KLK3: variants seen among roughly 807,000 people sequenced by gnomAD.
KLK3 encodes kallikrein related peptidase 3.
Under a neutral mutation model 27.7 loss-of-function variants are expected in KLK3, and 23 were observed. That is an observed-to-expected ratio of 0.83 (90% CI 0.60 to 1.17). The LOEUF is 1.17. KLK3 is among the 50% of genes most tolerant of loss of function. The pLI, the probability that KLK3 is intolerant of heterozygous loss-of-function variation, is 0.00. For synonymous variants in KLK3, 142 were observed against 134.2 expected, an observed-to-expected ratio of 1.06 and a Z score of -0.40; for missense variants, 322 against 338.1, an observed-to-expected ratio of 0.95 and a Z score of 0.37.
At chr19:50,855,205 T>C (rs529005085) in intron 1 of KLK3, 10 of 575,754 alleles carry the variant, frequency 1.7e-5, no homozygotes, top group African/African-American at 1.7e-4. Context: ...CCCCGCTCCC[T>C]CCCACTTACC....
Position 50,860,142 on chromosome 19 carries a change from C to G in KLK3, c.*15C>G. 6.3e-7 allele frequency: 1 copy of G among 1,586,630 alleles called. No homozygotes were observed. Among genetic ancestry groups the G allele is most frequent in the Non-Finnish European group, 8.6e-7 (1 of 1,156,670 alleles). ...CCAACCCCTGAGCACCCCTATCAAC[C>G]CCCTATTGTAGTAAACTTGGAACCT... On this transcript the variant is annotated 3_prime_UTR_variant, in exon 5 of 5. Coordinates refer to ENST00000326003, the MANE Select transcript of KLK3 (RefSeq NM_001648.2).
chr19:50,860,389 C>A lies in KLK3; in HGVS notation c.*262C>A. The A allele has an allele frequency of 2.8e-6, 1 of 363,194 alleles. No individual in the cohort carries two copies. 22.5% of individuals were successfully genotyped at this position (363,194 alleles called of 1,614,324 possible). On this transcript the variant is annotated 3_prime_UTR_variant, in exon 5 of 5. Transcript: ENST00000326003. ...TGAGGACACAGATAGGATGGGGTGTCTGTGTTATTTGTGGGGTACAGAGAT... is the reference window on the plus strand; with the variant it reads ...TGAGGACACAGATAGGATGGGGTGTATGTGTTATTTGTGGGGTACAGAGAT...
At position 50,858,599 on chromosome 19, in the gene KLK3, A is replaced by G. The variant is rs2123460670; in HGVS notation, c.630+4A>G. 5 of 1,614,014 alleles carry G rather than the reference A, an allele frequency of 3.1e-6. No homozygotes were observed. The South Asian group carries it at 5.5e-5, about 18-fold the overall frequency. On this transcript the variant is annotated splice_donor_region_variant and intron_variant, in intron 4 of 4. Coordinates refer to ENST00000326003, the MANE Select transcript of KLK3 (RefSeq NM_001648.2). ...AGGGGGCAAAAGCACCTGCTCGGTG[A>G]GTCATCCCTACTCCCAAGATCTTGA...
At chr19:50,855,338 A>C in intron 1 of KLK3, 10 of 367,766 alleles carry the variant, frequency 2.7e-5, no homozygotes, top group Non-Finnish European at 4.5e-5. Context: ...ACCTCTCTCA[A>C]TGCCATTGGT....
In KLK3 at chr19:50,859,525, C is replaced by T; in HGVS notation, c.631-447C>T. The T allele has an allele frequency of 1.2e-6, 2 of 1,610,320 alleles. 1 individual carries two copies. The highest frequency in any genetic ancestry group is 2.2e-5 in the South Asian group (2 of 90,972). On this transcript the variant is annotated intron_variant, in intron 4 of 4. Coordinates refer to ENST00000326003, the MANE Select transcript of KLK3 (RefSeq NM_001648.2). Reference sequence around the variant, plus strand: ...CCCTCCACTCCATTCTCCACCTACCCACAGTGGGTCATTCTGATCACCGAA... The same window carrying T: ...CCCTCCACTCCATTCTCCACCTACCTACAGTGGGTCATTCTGATCACCGAA...
chr19:50,856,630 C>G (rs1271256395), intron 2 of KLK3: 5 of 515,232 alleles, frequency 9.7e-6, no homozygotes, highest in Non-Finnish European at 1.7e-5. Flanking sequence ...TTCATTATGT[C>G]TCTTGGTAAC....
chr19:50,856,257 C>T lies in KLK3; in HGVS notation c.64C>T (p.Leu22=), dbSNP rs2090146091. ...VTWIGAAPLI[L]SRIVGGWECE... ...CTCTGCAGGTGCTGCACCCCTCATC[C>T]TGTCTCGGATTGTGGGAGGCTGGGA... The change falls in exon 2 of 5, where the codon CTG becomes TTG. Residue 22 remains leucine, a synonymous_variant. Coordinates refer to ENST00000326003, the MANE Select transcript of KLK3 (RefSeq NM_001648.2). 2 of 1,612,596 alleles carry T rather than the reference C, an allele frequency of 1.2e-6. No homozygotes were observed. Among genetic ancestry groups the T allele is most frequent in the African/African-American group, 2.7e-5 (2 of 74,878 alleles).
At chr19:50,856,577 C>T (rs1599991036) in intron 2 of KLK3, 178 bp downstream of exon 2, 1 of 622,790 alleles carries the variant, frequency 1.6e-6, no homozygotes, top group Non-Finnish European at 2.7e-6. Flanking sequence ...CCCATGGCTG[C>T]CTGGGTCTCC....
At chr19:50,855,038 G>T (rs910181602) in intron 1 of KLK3, 37 bp downstream of exon 1, 1 of 1,608,008 alleles carries the variant, frequency 6.2e-7, no homozygotes, top group Non-Finnish European at 8.5e-7. Flanking sequence ...GCAGGAGAGG[G>T]AGCCAGCCCT....
At chr19:50,855,786 A>G (rs1373740078) in intron 1 of KLK3, 1 of 155,546 alleles carries the variant, frequency 6.4e-6, no homozygotes, top group Non-Finnish European at 1.4e-5. Flanking sequence ...GGGACTTCCT[A>G]AACTTTCCAA....
At chr19:50,855,377 C>A in intron 1 of KLK3, 1 of 251,528 alleles carries the variant, frequency 4.0e-6, no homozygotes. Context: ...GGTCCACCTC[C>A]TGAGCCCCTC....
At chr19:50,859,453 G>A in intron 4 of KLK3, 1 of 1,209,976 alleles carries the variant, frequency 8.3e-7, no homozygotes. Context: ...GTCCCCACCT[G>A]GGCCCTTACC....
rs2090178226 is a variant in KLK3 at position 50,860,411 on chromosome 19, A to G, written c.*284A>G. On this transcript the variant is annotated 3_prime_UTR_variant, in exon 5 of 5. Coordinates refer to ENST00000326003, the MANE Select transcript of KLK3 (RefSeq NM_001648.2). Reference sequence around the variant, plus strand: ...TGTCTGTGTTATTTGTGGGGTACAGAGATGAAAGAGGGGTGGGATCCACAC... The same window carrying G: ...TGTCTGTGTTATTTGTGGGGTACAGGGATGAAAGAGGGGTGGGATCCACAC... The G allele has an allele frequency of 3.6e-6, 1 of 280,270 alleles. No individual in the cohort carries two copies. The highest frequency in any genetic ancestry group is 6.7e-6 in the Non-Finnish European group (1 of 148,168). The allele number at this position is 280,270 out of a possible 1,614,324, so 17.4% of individuals were successfully genotyped here.
intron 2 of KLK3, chr19:50,856,600 C>G (rs1028123753): frequency 1.8e-6 from 1 of 555,172 alleles, no homozygotes; most frequent in African/African-American, 1.9e-5. Flanking sequence ...CTGTGTTCCT[C>G]TATGTCTCTT....
Position 50,859,154 on chromosome 19 carries a change from G to A in KLK3, c.630+559G>A, listed in dbSNP as rs141502289. Among the ~76,000 whole-genome samples the A allele has an allele frequency of 9.8e-3, 1,496 of 152,220 alleles. 15 individuals carry two copies. Among genetic ancestry groups the A allele is most frequent in the African/African-American group, 0.034 (1,405 of 41,540 alleles). Reference sequence around the variant, plus strand: ...GCCTGGGAGGAGGGGCCTAGAGGGCGTCAGGAGCAGAGAGGAGGTTGCCTG... The same window carrying A: ...GCCTGGGAGGAGGGGCCTAGAGGGCATCAGGAGCAGAGAGGAGGTTGCCTG... On this transcript the variant is annotated intron_variant, in intron 4 of 4. Transcript: ENST00000326003.
At chr19:50,859,710 A>T (rs561622740) in intron 4 of KLK3, 1 of 1,572,790 alleles carries the variant, frequency 6.4e-7, no homozygotes, top group African/African-American at 1.3e-5. Flanking sequence ...ACCTGTCTAC[A>T]AGGACTGTCC....
Position 50,856,370 on chromosome 19 carries a change from G to A in KLK3, c.177G>A (p.Trp59Ter). 1.2e-6 allele frequency: 2 copies of A among 1,613,858 alleles called. No individual in the cohort carries two copies. Among genetic ancestry groups the A allele is most frequent in the Non-Finnish European group, 1.7e-6 (2 of 1,179,992 alleles). Residue 59 changes from tryptophan (W) to a stop codon, truncating the protein, a stop_gained, in exon 2 of 5, where the codon TGG becomes TGA. Transcript: ENST00000326003. LOFTEE classifies it high-confidence loss of function. ...VCGGVLVHPQ[W>*]VLTAAHCIRN... ...GCGGTGTTCTGGTGCACCCCCAGTG[G>A]GTCCTCACAGCTGCCCACTGCATCA... is the stretch of plus-strand genomic sequence containing the variant.
rs73932617 is a variant in KLK3 at position 50,859,548 on chromosome 19, G to A, written c.631-424G>A. Reference sequence around the variant, plus strand: ...CCCACAGTGGGTCATTCTGATCACCGAACTGACCATGCCAGCCCTGCCGAT... The same window carrying A: ...CCCACAGTGGGTCATTCTGATCACCAAACTGACCATGCCAGCCCTGCCGAT... On this transcript the variant is annotated intron_variant, in intron 4 of 4. Coordinates refer to ENST00000326003, the MANE Select transcript of KLK3 (RefSeq NM_001648.2). The A allele has an allele frequency of 6.3e-3, 10,198 of 1,613,316 alleles. 493 individuals are homozygous for A. The African/African-American group carries it at 0.11, about 18-fold the overall frequency.
intron 4 of KLK3, 116 bp from the exon 5 acceptor site, chr19:50,859,856 T>G (rs778027460): frequency 2.7e-6 from 4 of 1,509,436 alleles, no homozygotes; most frequent in Non-Finnish European, 3.5e-6. Context: ...ATTTCTCTCT[T>G]CTTCCAAAGC....
Sources: gnomAD v4.1 joint callset for allele counts (sites outside exome capture counted in the v4.1 genomes callset) on GRCh38, gnomAD v4.1.1 for gene constraint, MANE v1.5 for transcripts, NCBI Gene and HGNC (gene_info 2026-07-23, HGNC 2026-07-21) for gene names.